Variants in BCL2L1 observed in about 807,000 individuals in gnomAD.
BCL2L1 encodes the protein BCL2 like 1.
BCL2L1 carries 1 observed loss-of-function variant against 18.7 expected under a neutral mutation model. That is an observed-to-expected ratio of 0.05 (90% CI 0.02 to 0.25). BCL2L1 has a LOEUF of 0.25. BCL2L1 is among the 10% of genes least tolerant of loss of function. The pLI, the probability that BCL2L1 is intolerant of heterozygous loss-of-function variation, is 1.00. For missense variants in BCL2L1, 207 were observed against 304.9 expected (o/e 0.68, Z 2.39); for synonymous variants, 103 against 122.7 (o/e 0.84, Z 1.06).
intron 2 of BCL2L1, among the ~76,000 whole-genome samples, chr20:31,680,203 T>C (rs1284220118): frequency 6.6e-6 from 1 of 152,224 alleles, no homozygotes; most frequent in Non-Finnish European, 1.5e-5. Context: ...CCCTGGTTAC[T>C]AGTGAGGGCA....
intron 2 of BCL2L1, among the ~76,000 whole-genome samples, chr20:31,721,218 T>C (rs566468521): frequency 2.6e-4 from 39 of 152,312 alleles, no homozygotes; most frequent in African/African-American, 9.4e-4. Flanking sequence ...CTGAGACCCC[T>C]TGGGGGGAAC....
At position 31,721,972 on chromosome 20, in the gene BCL2L1, T is replaced by G. The variant is rs2061641170; in HGVS notation, c.247A>C (p.Met83Leu). 6.2e-7 allele frequency: 1 copy of G among 1,614,166 alleles called. No homozygotes were observed. The highest frequency in any genetic ancestry group is 8.5e-7 in the Non-Finnish European group (1 of 1,180,010). ...CTCAGCGCTTGCTTTACTGCTGCCA[T>G]GGGGATCACCTCCCGGGCATCCAAA... ...SSLDAREVIP[M>L]AAVKQALREA... Residue 83 changes from methionine to leucine, a missense_variant, in exon 2 of 3, where the codon ATG (methionine) becomes CTG (leucine). Met to Leu is a conservative substitution (Grantham distance 15). Transcript: ENST00000307677.
At chr20:31,683,382 G>T (rs537686335) in intron 2 of BCL2L1, among the ~76,000 whole-genome samples, 1 of 152,088 alleles carries the variant, frequency 6.6e-6, no homozygotes, top group Non-Finnish European at 1.5e-5. Context: ...CTCCTCAGAG[G>T]CCTTCCTTAA....
chr20:31,710,744 A>G (rs1180165146), intron 2 of BCL2L1, among the ~76,000 whole-genome samples: 1 of 152,246 alleles, frequency 6.6e-6, no homozygotes, highest in African/African-American at 2.4e-5. Flanking sequence ...GGTTTGGCAC[A>G]GTTTGCCTCA....
At position 31,704,545 on chromosome 20, in the gene BCL2L1, G is replaced by A. The variant is rs573730174; in HGVS notation, c.564+17110C>T. ...AAAGACACAGTTTCTGGATTAGAGT[G>A]ACTGAAGAGCTTAGAGTGGTTCCTT... On this transcript the variant is annotated intron_variant, in intron 2 of 2. Coordinates refer to ENST00000307677, the MANE Select transcript of BCL2L1 (RefSeq NM_138578.3). Among the ~76,000 whole-genome samples, 6 of 152,324 alleles carry A rather than the reference G, an allele frequency of 3.9e-5. No homozygotes were observed. The South Asian group carries it at 8.3e-4, about 21-fold the overall frequency.
In BCL2L1 at chr20:31,722,342, G is replaced by GA; in HGVS notation, c.-125dup. On this transcript the variant is annotated 5_prime_UTR_variant, in exon 2 of 3. Transcript: ENST00000307677. ...GCCAAGATAAGATTCTGAAGGGAGA[G>GA]AAAGAGCTTCAGGAAAAAAAAATAA... 1.4e-6 allele frequency: 1 copy of GA among 699,896 alleles called. No individual in the cohort carries two copies. The highest frequency in any genetic ancestry group is 2.1e-6 in the Non-Finnish European group (1 of 477,556). The allele number at this position is 699,896 out of a possible 1,614,324, so 43.4% of individuals were successfully genotyped here.
At chr20:31,707,784 A>G (rs1330983582) in intron 2 of BCL2L1, among the ~76,000 whole-genome samples, 1 of 151,854 alleles carries the variant, frequency 6.6e-6, no homozygotes, top group African/African-American at 2.4e-5. Context: ...GTCTCAAAAA[A>G]AAAAAAAAAA....
chr20:31,687,240 A>G (rs917450118), intron 2 of BCL2L1, among the ~76,000 whole-genome samples: 2 of 152,210 alleles, frequency 1.3e-5, no homozygotes, highest in African/African-American at 2.4e-5. Flanking sequence ...CAGCAACTAT[A>G]CTGTCATTAG....
chr20:31,671,837 GCTATA>G (rs1331202387), intron 2 of BCL2L1, among the ~76,000 whole-genome samples: 6 of 149,480 alleles, frequency 4.0e-5, no homozygotes, highest in African/African-American at 1.5e-4. Flanking sequence ...GAATACCTCA[GCTATA>G]CTATACTATA....
chr20:31,700,943 G>A (rs2061268921), intron 2 of BCL2L1, among the ~76,000 whole-genome samples: 1 of 152,234 alleles, frequency 6.6e-6, no homozygotes, highest in Non-Finnish European at 1.5e-5. Flanking sequence ...TTGGCAAAAA[G>A]AGGAGATCGT....
At chr20:31,704,254 C>A (rs2061335917) in intron 2 of BCL2L1, among the ~76,000 whole-genome samples, 1 of 151,894 alleles carries the variant, frequency 6.6e-6, no homozygotes, top group South Asian at 2.1e-4. Context: ...CAGGCGTGCA[C>A]CACACCCGGC....
intron 2 of BCL2L1, among the ~76,000 whole-genome samples, chr20:31,697,892 G>GTTTTTTTTTTTGTTTTT (rs1555871510): frequency 1.5e-5 from 2 of 129,640 alleles, no homozygotes; most frequent in African/African-American, 6.6e-5. Flanking sequence ...TGCTGTTGCT[G>GTTTTTTTTTTTGTTTTT]TTTTTTTTTT....
intron 2 of BCL2L1, among the ~76,000 whole-genome samples, chr20:31,696,852 TCGAGA>T (rs2061179467): frequency 6.6e-6 from 1 of 151,988 alleles, no homozygotes. Flanking sequence ...GGTCAGGAGT[TCGAGA>T]CGAGCCTGGC....
intron 2 of BCL2L1, among the ~76,000 whole-genome samples, chr20:31,691,078 G>A (rs1163602139): frequency 6.7e-5 from 9 of 135,160 alleles, no homozygotes; most frequent in East Asian, 4.9e-4. Flanking sequence ...GCTTGAACCC[G>A]GGAGGCAGAG....
chr20:31,697,892 G>GTTTTTTTTTTTTTGTTTGTTTGT (rs1319361227), intron 2 of BCL2L1, among the ~76,000 whole-genome samples: 22 of 129,638 alleles, frequency 1.7e-4, no homozygotes, highest in African/African-American at 5.3e-4. Context: ...TGCTGTTGCT[G>GTTTTTTTTTTTTTGTTTGTTTGT]TTTTTTTTTT....
chr20:31,695,336 T>A (rs1449517466), intron 2 of BCL2L1, among the ~76,000 whole-genome samples: 1 of 152,246 alleles, frequency 6.6e-6, no homozygotes, highest in Non-Finnish European at 1.5e-5. Context: ...CAAGGTCCCA[T>A]GTGGCCCTAC....
intron 2 of BCL2L1, among the ~76,000 whole-genome samples, chr20:31,667,227 G>A (rs1450716673): frequency 6.6e-6 from 1 of 152,160 alleles, no homozygotes; most frequent in African/African-American, 2.4e-5. Flanking sequence ...TTGGGAGGCT[G>A]AGGTGGGTGG....
chr20:31,688,544 G>A (rs2061002045), intron 2 of BCL2L1, among the ~76,000 whole-genome samples: 1 of 152,066 alleles, frequency 6.6e-6, no homozygotes, highest in African/African-American at 2.4e-5. Context: ...TGGGTGGAAG[G>A]GTGTTAAGAA....
At chr20:31,714,998 G>A (rs943910833) in intron 2 of BCL2L1, among the ~76,000 whole-genome samples, 1 of 152,158 alleles carries the variant, frequency 6.6e-6, no homozygotes, top group Non-Finnish European at 1.5e-5. Flanking sequence ...GACCAGGCCT[G>A]GCACGGTGGC....
Sources: allele counts gnomAD v4.1 joint callset (sites outside exome capture counted in the v4.1 genomes callset), GRCh38; gene constraint gnomAD v4.1.1; transcripts MANE v1.5; gene names NCBI Gene and HGNC (gene_info 2026-07-23, HGNC 2026-07-21).